Variants in SLCO1B3 observed in about 807,000 individuals in gnomAD.
The protein encoded by SLCO1B3 is solute carrier organic anion transporter family member 1B3, also known as liver-specific organic anion transporter 2.
SLCO1B3 carries 72 observed loss-of-function variants against 71.8 expected under a neutral mutation model. The ratio of observed to expected loss-of-function variants is 1.00; its 90% confidence interval spans 0.83 to 1.22. SLCO1B3 has a LOEUF of 1.22. SLCO1B3 is among the 50% of genes most tolerant of loss of function. The probability of loss-of-function intolerance (pLI) is 0.00; values close to 1 mark genes in which losing one functional copy is unlikely to be tolerated. For missense variants in SLCO1B3, 911 were observed against 819.7 expected, an observed-to-expected ratio of 1.11 and a Z score of -1.36; for synonymous variants, 298 against 278.4, an observed-to-expected ratio of 1.07 and a Z score of -0.70.
chr12:20,882,607 T>C (rs1865714529), intron 12 of SLCO1B3, among the ~76,000 whole-genome samples: 1 of 152,076 alleles, frequency 6.6e-6, no homozygotes, highest in South Asian at 2.1e-4. Flanking sequence ...GGTTTCACCA[T>C]GTTGACCAGG....
At chr12:20,901,512 CTA>C in intron 15 of SLCO1B3, 45 bp downstream of exon 15, 4 of 1,002,974 alleles carry the variant, frequency 4.0e-6, no homozygotes, top group South Asian at 1.6e-5. Context: ...TTTTCTTTGT[CTA>C]TGTTAATGTC....
intron 3 of SLCO1B3, among the ~76,000 whole-genome samples, chr12:20,828,633 G>GCACACA (rs561409835): frequency 2.0e-5 from 3 of 147,170 alleles, no homozygotes; most frequent in African/African-American, 2.5e-5. Flanking sequence ...AAGCATAAAG[G>GCACACA]CACACACACA....
At chr12:20,893,165 G>A (rs1018572124) in intron 13 of SLCO1B3, among the ~76,000 whole-genome samples, 4 of 152,074 alleles carry the variant, frequency 2.6e-5, no homozygotes, top group African/African-American at 9.7e-5. Flanking sequence ...ATGAGGACTG[G>A]GATGGCCAAA....
chr12:20,816,113 A>G (rs1402473628), intron 3 of SLCO1B3, among the ~76,000 whole-genome samples: 1 of 152,182 alleles, frequency 6.6e-6, no homozygotes, highest in African/African-American at 2.4e-5. Flanking sequence ...TATGGGGTAC[A>G]TGAGATGATT....
At chr12:20,895,528 C>G (rs959319741) in intron 13 of SLCO1B3, among the ~76,000 whole-genome samples, 5 of 152,184 alleles carry the variant, frequency 3.3e-5, no homozygotes, top group Admixed American at 1.3e-4. Flanking sequence ...CTCCATGTCT[C>G]ACATCTGGGT....
intron 15 of SLCO1B3, among the ~76,000 whole-genome samples, chr12:20,904,202 T>C (rs1866186274): frequency 6.7e-6 from 1 of 148,914 alleles, no homozygotes; most frequent in Non-Finnish European, 1.5e-5. Flanking sequence ...ATCACACCAC[T>C]ACACTGCAGC....
rs1865542098 is a variant in SLCO1B3, at chr12:20,874,609, C to G, written c.728-626C>G. 5.3e-5 allele frequency among the ~76,000 whole-genome samples: 8 copies of G among 152,124 alleles called. No homozygotes were observed. In the South Asian group the frequency reaches 1.7e-3, roughly 32 times the overall value. On this transcript the variant is annotated intron_variant, in intron 8 of 15. Transcript: ENST00000381545. ...CATTTACACATTACTCTTATACATA[C>G]TTTAAGGGAAATATAGTTGAAATAA...
intron 13 of SLCO1B3, among the ~76,000 whole-genome samples, chr12:20,897,988 A>C (rs1866049385): frequency 6.6e-6 from 1 of 152,210 alleles, no homozygotes; most frequent in Admixed American, 6.5e-5. Context: ...TTTACGAATC[A>C]TATTAATAAG....
intron 8 of SLCO1B3, among the ~76,000 whole-genome samples, chr12:20,873,596 A>AT (rs1565597375): frequency 6.6e-6 from 1 of 152,162 alleles, no homozygotes; most frequent in Admixed American, 6.5e-5. Flanking sequence ...AGCTGGGAGC[A>AT]TTTTTTAAAA....
At chr12:20,893,412 C>G (rs1313691576) in intron 13 of SLCO1B3, among the ~76,000 whole-genome samples, 1 of 152,174 alleles carries the variant, frequency 6.6e-6, no homozygotes, top group African/African-American at 2.4e-5. Flanking sequence ...TAGCTAACTT[C>G]AGCAAGGAGG....
intron 8 of SLCO1B3, among the ~76,000 whole-genome samples, chr12:20,865,341 A>G (rs968238583): frequency 7.2e-5 from 11 of 152,142 alleles, no homozygotes; most frequent in Non-Finnish European, 1.2e-4. Context: ...AGCAAATAAT[A>G]TATTTCTAAA....
In SLCO1B3 at chr12:20,845,049, C is replaced by T. The variant is rs145908197; in HGVS notation, c.85-9979C>T. On this transcript the variant is annotated intron_variant, in intron 3 of 15. Transcript: ENST00000381545. ...TCTCAAAAAAAAAAAAAAAAAAAAG[C>T]ACCAGTTCTATCCCTCTAAGTTTCA... 671 of 283,476 alleles carry T rather than the reference C, an allele frequency of 2.4e-3. 7 individuals carry two copies. Among genetic ancestry groups the T allele is most frequent in the African/African-American group, 0.015 (600 of 41,352 alleles). The allele number at this position is 283,476 out of a possible 1,614,324, so 17.6% of individuals were successfully genotyped here. A position where few individuals can be genotyped will look rare whatever the true frequency, so the allele number is the denominator to read the frequency against.
chr12:20,877,746 AAT>A (rs772573096), intron 9 of SLCO1B3, 24 bp from the exon 10 acceptor site: 3 of 1,069,912 alleles, frequency 2.8e-6, no homozygotes, highest in East Asian at 3.0e-5. Flanking sequence ...TTATTATTGA[AAT>A]ATGTTATTTT....
chr12:20,862,379 T>C (rs1314319371), intron 6 of SLCO1B3, 33 bp from the exon 7 acceptor site: 2 of 1,558,280 alleles, frequency 1.3e-6, no homozygotes, highest in East Asian at 2.3e-5. Context: ...TTAAAATTAA[T>C]GTTTAAAGTA....
At chr12:20,894,463 G>T (rs1459167222) in intron 13 of SLCO1B3, among the ~76,000 whole-genome samples, 1 of 152,008 alleles carries the variant, frequency 6.6e-6, no homozygotes, top group African/African-American at 2.4e-5. Flanking sequence ...AAGATTTCAG[G>T]CCAGCTCTTA....
intron 13 of SLCO1B3, among the ~76,000 whole-genome samples, chr12:20,896,359 C>T (rs948947861): frequency 1.3e-5 from 2 of 152,172 alleles, no homozygotes; most frequent in African/African-American, 4.8e-5. Context: ...TTTAACAGCA[C>T]CAAAGTCACC....
At position 20,874,743 on chromosome 12, in the gene SLCO1B3, C is replaced by G. The variant is rs371264446; in HGVS notation, c.728-492C>G. Among the ~76,000 whole-genome samples the G allele has an allele frequency of 8.1e-4, 123 of 152,280 alleles. 2 individuals carry two copies. The South Asian group carries it at 0.024, about 30-fold the overall frequency. ...ATCCTCTGTGCTGTCTGGAGAGTTG[C>G]AAATGCAGGTTCCTGGGTAGTTAGG... On this transcript the variant is annotated intron_variant, in intron 8 of 15. Transcript: ENST00000381545.
At chr12:20,878,367 G>A (rs1299764112) in intron 10 of SLCO1B3, among the ~76,000 whole-genome samples, 1 of 152,010 alleles carries the variant, frequency 6.6e-6, no homozygotes, top group Admixed American at 6.5e-5. Context: ...TTCAGAAGGA[G>A]AATCAATTTA....
chr12:20,845,457 A>G (rs1361176590), intron 3 of SLCO1B3, among the ~76,000 whole-genome samples: 1 of 152,156 alleles, frequency 6.6e-6, no homozygotes, highest in African/African-American at 2.4e-5. Context: ...CATTTGTCTC[A>G]ACTTCTCCTT....
Sources: gnomAD v4.1 joint callset for allele counts (sites outside exome capture counted in the v4.1 genomes callset) on GRCh38, gnomAD v4.1.1 for gene constraint, MANE v1.5 for transcripts, NCBI Gene and HGNC (gene_info 2026-07-23, HGNC 2026-07-21) for gene names.